STX3: variants seen among roughly 807,000 people sequenced by gnomAD.
STX3 encodes the protein syntaxin-3.
A neutral mutation model predicts 40.2 loss-of-function variants in STX3; 19 were observed. That is an observed-to-expected ratio of 0.47 (90% CI 0.33 to 0.69). The LOEUF (loss-of-function observed/expected upper bound fraction) is 0.69. STX3 is among the 30% of genes least tolerant of loss of function. The pLI is 0.02. For missense variants in STX3, 364 were observed against 366.7 expected (o/e 0.99, Z 0.06); for synonymous variants, 122 against 132.2 (o/e 0.92, Z 0.53).
At chr11:59,790,267 G>GTGT (rs1355967182) in intron 4 of STX3, among the ~76,000 whole-genome samples, 3 of 152,184 alleles carry the variant, frequency 2.0e-5, no homozygotes, top group African/African-American at 7.2e-5. Flanking sequence ...TAAGTGCCAG[G>GTGT]GCAAGGATTC....
At chr11:59,783,085 A>C (rs551828383) in intron 2 of STX3, among the ~76,000 whole-genome samples, 1 of 151,784 alleles carries the variant, frequency 6.6e-6, no homozygotes, top group South Asian at 2.1e-4. Flanking sequence ...TTAAAAAAAA[A>C]CACTTTTAGA....
intron 2 of STX3, among the ~76,000 whole-genome samples, chr11:59,780,499 G>T (rs1864297824): frequency 6.6e-6 from 1 of 152,198 alleles, no homozygotes; most frequent in Admixed American, 6.5e-5. Context: ...GATTAAGACA[G>T]TGAGGTACTA....
At chr11:59,795,274 T>C (rs1590825751) in intron 8 of STX3, 98 bp from the exon 9 acceptor site, 1 of 1,009,940 alleles carries the variant, frequency 9.9e-7, no homozygotes, top group East Asian at 2.6e-5. Context: ...GATGCTCTTC[T>C]TGCCACTGAA....
chr11:59,790,460 A>G (rs1865060884), intron 4 of STX3, 59 bp from the exon 5 acceptor site: 1 of 1,322,784 alleles, frequency 7.6e-7, no homozygotes, highest in South Asian at 1.2e-5. Context: ...GTTTCACTGA[A>G]TAGCATGTTT....
chr11:59,793,993 T>TAA (rs1257348965), intron 8 of STX3, among the ~76,000 whole-genome samples: 1 of 152,166 alleles, frequency 6.6e-6, no homozygotes, highest in African/African-American at 2.4e-5. Context: ...AGCCTCCTGA[T>TAA]ATGGACTAGT....
chr11:59,788,857 G>T lies in STX3; in HGVS notation c.215-16G>T, dbSNP rs750829519. 1 of 1,609,112 alleles carries T rather than the reference G, an allele frequency of 6.2e-7. No individual in the cohort carries two copies. Among genetic ancestry groups the T allele is most frequent in the South Asian group, 1.1e-5 (1 of 90,366 alleles). On this transcript the variant is annotated splice_polypyrimidine_tract_variant and intron_variant, in intron 3 of 10. Transcript: ENST00000337979. Reference sequence around the variant, plus strand: ...CTCTCCTTTCTAACGGATTCTGCCTGCCTTTATTTACCCAGAAACCAAGGA... The same window carrying T: ...CTCTCCTTTCTAACGGATTCTGCCTTCCTTTATTTACCCAGAAACCAAGGA...
intron 9 of STX3, 184 bp downstream of exon 9, chr11:59,795,666 T>C: frequency 6.5e-7 from 1 of 1,537,274 alleles, no homozygotes; most frequent in East Asian, 2.4e-5. Flanking sequence ...GAGCGGGCCG[T>C]GGCAGATACC....
intron 2 of STX3, among the ~76,000 whole-genome samples, chr11:59,779,849 A>G (rs1039059033): frequency 1.3e-5 from 2 of 152,206 alleles, no homozygotes; most frequent in Admixed American, 1.3e-4. Flanking sequence ...TTTGCTAGGT[A>G]TGCTTGATTT....
chr11:59,759,518 A>G (rs1862920456), intron 1 of STX3, among the ~76,000 whole-genome samples: 1 of 152,238 alleles, frequency 6.6e-6, no homozygotes, highest in Non-Finnish European at 1.5e-5. Context: ...AAGAGGGCCA[A>G]CAGTAATCAA....
Position 59,773,231 on chromosome 11 carries a change from T to C in STX3, c.51T>C (p.Asp17=), listed in dbSNP as rs771168925. 1.9e-6 allele frequency: 3 copies of C among 1,614,218 alleles called. No individual in the cohort carries two copies. The South Asian group carries it at 3.3e-5, about 18-fold the overall frequency. ...TGCAGAAGCAGCTGACACAGGATGA[T>C]GATACTGATGCGGTTGAGATTGCTA... ...QLKAKQLTQD[D]DTDAVEIAID... Residue 17 remains aspartate (D), a synonymous_variant, in exon 2 of 11, where the codon GAT becomes GAC. Coordinates refer to ENST00000337979, the MANE Select transcript of STX3 (RefSeq NM_004177.5).
At chr11:59,781,001 T>C (rs1039614604) in intron 2 of STX3, among the ~76,000 whole-genome samples, 7 of 152,126 alleles carry the variant, frequency 4.6e-5, no homozygotes, top group African/African-American at 1.4e-4. Context: ...GTCCTGGTCT[T>C]GATAAAATGC....
chr11:59,767,479 T>C (rs78383517), intron 1 of STX3, among the ~76,000 whole-genome samples: 14,394 of 152,218 alleles, frequency 0.095, 931 homozygotes, highest in African/African-American at 0.18. Context: ...TTCCTTGCCC[T>C]TGGGTTCTGA....
chr11:59,773,988 A>C lies in STX3; in HGVS notation c.114+694A>C, dbSNP rs1203178475. Among the ~76,000 whole-genome samples, 594 of 151,856 alleles carry C rather than the reference A, an allele frequency of 3.9e-3. 4 individuals carry two copies. Among genetic ancestry groups the C allele is most frequent in the African/African-American group, 0.013 (548 of 41,412 alleles). On this transcript the variant is annotated intron_variant, in intron 2 of 10. Coordinates refer to ENST00000337979, the MANE Select transcript of STX3 (RefSeq NM_004177.5). ...TTGTCTCACACACACAAAAAAAAAA[A>C]AAAAAAAAAAAATTATAGTCCCTCT...
chr11:59,783,923 G>T (rs2134979737), intron 2 of STX3, among the ~76,000 whole-genome samples: 1 of 152,352 alleles, frequency 6.6e-6, no homozygotes, highest in South Asian at 2.1e-4. Flanking sequence ...GGTTGATGCG[G>T]TCAGAGGAAA....
rs568143266 is a variant in STX3, at chr11:59,755,444, C to T, written c.-162C>T. 2.7e-6 allele frequency: 2 copies of T among 728,192 alleles called. No individual in the cohort carries two copies. The highest frequency in any genetic ancestry group is 4.0e-6 in the Non-Finnish European group (2 of 504,668). The allele number at this position is 728,192 out of a possible 1,614,324, so 45.1% of individuals were successfully genotyped here. On this transcript the variant is annotated 5_prime_UTR_variant, in exon 1 of 11. In the 5' UTR this introduces an upstream ATG that the reference lacks. Transcript: ENST00000337979. ...CGGCGGAGGCTCCCGTGGCCTCGGACGCTCCTCCTAGCTAGCGGCCGCCGC... is the reference window on the plus strand; with the variant it reads ...CGGCGGAGGCTCCCGTGGCCTCGGATGCTCCTCCTAGCTAGCGGCCGCCGC...
At position 59,801,527 on chromosome 11, in the gene STX3, C is replaced by T; in HGVS notation, c.*703C>T. ...GATGATACAGTCATCTGAGGTTATG[C>T]TTTGCAAAAGGCTGACGGTATGGAA... On this transcript the variant is annotated 3_prime_UTR_variant, in exon 11 of 11. Transcript: ENST00000337979. The T allele has an allele frequency of 1.0e-6, 1 of 985,400 alleles. No individual in the cohort carries two copies. The highest frequency in any genetic ancestry group is 1.2e-6 in the Non-Finnish European group (1 of 829,926). 61.0% of individuals were successfully genotyped at this position (985,400 alleles called of 1,614,324 possible).
At chr11:59,778,978 C>CA (rs1437202757) in intron 2 of STX3, among the ~76,000 whole-genome samples, 1 of 151,914 alleles carries the variant, frequency 6.6e-6, no homozygotes, top group Non-Finnish European at 1.5e-5. Context: ...GCTGGGATTA[C>CA]AGGCATCCAC....
chr11:59,793,229 C>G, intron 7 of STX3, 57 bp downstream of exon 7: 4 of 1,608,284 alleles, frequency 2.5e-6, no homozygotes, highest in Non-Finnish European at 3.4e-6. Context: ...GAGGCCACTG[C>G]GGAGCTCATG....
At chr11:59,763,395 G>T (rs1863135218) in intron 1 of STX3, among the ~76,000 whole-genome samples, 1 of 152,002 alleles carries the variant, frequency 6.6e-6, no homozygotes, top group Non-Finnish European at 1.5e-5. Flanking sequence ...TGTCTTTCTT[G>T]TCTAGACCCA....
Sources: gnomAD v4.1 joint callset for allele counts (sites outside exome capture counted in the v4.1 genomes callset) on GRCh38, gnomAD v4.1.1 for gene constraint, MANE v1.5 for transcripts, NCBI Gene and HGNC (gene_info 2026-07-23, HGNC 2026-07-21) for gene names.